CCDC3: variants seen among roughly 807,000 people sequenced by gnomAD.
CCDC3 encodes the protein coiled-coil domain-containing protein 3.
A neutral mutation model predicts 21.4 loss-of-function variants in CCDC3; 24 were observed. The observed-to-expected ratio is 1.12, with a 90% CI of 0.81 to 1.58. The LOEUF is 1.58. CCDC3 is among the 40% of genes most tolerant of loss of function. The pLI is 0.00. For missense variants in CCDC3, 425 were observed against 360.9 expected, an observed-to-expected ratio of 1.18 and a Z score of -1.44; for synonymous variants, 186 against 166.0, an observed-to-expected ratio of 1.12 and a Z score of -0.93.
At chr10:12,907,206 T>C (rs1834186374) in intron 2 of CCDC3, among the ~76,000 whole-genome samples, 1 of 152,136 alleles carries the variant, frequency 6.6e-6, no homozygotes, top group Non-Finnish European at 1.5e-5. Flanking sequence ...AAGCACTTAA[T>C]AAATGGATGA....
intron 4 of CCDC3, among the ~76,000 whole-genome samples, chr10:13,072,343 T>C (rs893506714): frequency 9.2e-5 from 14 of 151,766 alleles, no homozygotes; most frequent in African/African-American, 2.9e-4. Context: ...CAGTTAATTT[T>C]GGTCATCATC....
chr10:12,898,762 G>A (rs974768722), intron 2 of CCDC3, 83 bp from the exon 3 acceptor site: 8 of 1,501,752 alleles, frequency 5.3e-6, no homozygotes, highest in South Asian at 2.5e-5. Context: ...AAGCTTCCCC[G>A]AGTGCTGACA....
chr10:13,070,660 G>A (rs1174025520), intron 4 of CCDC3, among the ~76,000 whole-genome samples: 2 of 152,124 alleles, frequency 1.3e-5, no homozygotes. Context: ...CCATGACTAG[G>A]CTCAGCTTTA....
At chr10:12,932,558 G>A (rs1326829072) in intron 2 of CCDC3, among the ~76,000 whole-genome samples, 6 of 152,192 alleles carry the variant, frequency 3.9e-5, no homozygotes, top group Admixed American at 6.5e-5. Context: ...ATTAGTGCCA[G>A]GAGTCTTTTG....
Position 13,001,576 on chromosome 10 carries a change from G to A in CCDC3, c.-6C>T. ...AGCAGCAGCTGGCGCAGCATGCCGG[G>A]CCCTCCCGGGGCGCACGGGGCGGCG... On this transcript the variant is annotated 5_prime_UTR_variant, in exon 1 of 3. Transcript: ENST00000378825. The A allele has an allele frequency of 8.2e-7, 1 of 1,212,132 alleles. No individual in the cohort carries two copies. Among genetic ancestry groups the A allele is most frequent in the Non-Finnish European group, 1.0e-6 (1 of 975,570 alleles). 75.1% of individuals were successfully genotyped at this position (1,212,132 alleles called of 1,614,324 possible).
At chr10:12,996,249 A>G (rs1048754460) in intron 2 of CCDC3, among the ~76,000 whole-genome samples, 1 of 152,196 alleles carries the variant, frequency 6.6e-6, no homozygotes, top group South Asian at 2.1e-4. Context: ...CTACATGAGA[A>G]GCGTTCAGAA....
intron 2 of CCDC3, among the ~76,000 whole-genome samples, chr10:12,908,737 T>G (rs1219362413): frequency 6.6e-6 from 1 of 151,712 alleles, no homozygotes; most frequent in Non-Finnish European, 1.5e-5. Context: ...GAACTACAAG[T>G]GCATGCCACC....
chr10:13,008,753 TAA>T (rs1014882426), intron 5 of CCDC3, among the ~76,000 whole-genome samples: 3 of 152,244 alleles, frequency 2.0e-5, no homozygotes, highest in Non-Finnish European at 2.9e-5. Flanking sequence ...GAATTCTTGA[TAA>T]AACTCAGTAA....
Position 12,898,093 on chromosome 10 carries a change from A to T in CCDC3, c.*323T>A, listed in dbSNP as rs1834029243. 1 of 331,394 alleles carries T rather than the reference A, an allele frequency of 3.0e-6. No homozygotes were observed. Among genetic ancestry groups the T allele is most frequent in the Admixed American group, 4.4e-5 (1 of 22,716 alleles). 20.5% of individuals were successfully genotyped at this position (331,394 alleles called of 1,614,324 possible). Reference sequence around the variant, plus strand: ...CACGTTGATGTCTTTTACACTAGAGATTCTAAAATGTTCTCTCCCCAGTCA... The same window carrying T: ...CACGTTGATGTCTTTTACACTAGAGTTTCTAAAATGTTCTCTCCCCAGTCA... On this transcript the variant is annotated 3_prime_UTR_variant, in exon 3 of 3. Coordinates refer to ENST00000378825, the MANE Select transcript of CCDC3 (RefSeq NM_031455.4).
intron 4 of CCDC3, among the ~76,000 whole-genome samples, chr10:13,064,993 G>A (rs1309935683): frequency 6.6e-6 from 1 of 152,078 alleles, no homozygotes. Context: ...GTGGGAGGCA[G>A]GTTGTCCCTA....
intron 2 of CCDC3, among the ~76,000 whole-genome samples, chr10:12,912,150 C>G (rs1589001164): frequency 6.6e-6 from 1 of 152,116 alleles, no homozygotes; most frequent in Admixed American, 6.5e-5. Flanking sequence ...GATGTATACC[C>G]AGTAGTGGGA....
chr10:13,050,886 A>T (rs899164317), intron 4 of CCDC3, among the ~76,000 whole-genome samples: 1 of 152,080 alleles, frequency 6.6e-6, no homozygotes, highest in Admixed American at 6.6e-5. Context: ...TCCTGGGCTC[A>T]AGTGATCCTC....
chr10:12,976,861 A>G (rs564475), intron 2 of CCDC3, among the ~76,000 whole-genome samples: 7 of 151,974 alleles, frequency 4.6e-5, no homozygotes, highest in South Asian at 2.1e-4. Flanking sequence ...CTGGGTGTTT[A>G]ATGTGTCAGT....
chr10:12,916,814 C>A (rs1834365353), intron 2 of CCDC3, among the ~76,000 whole-genome samples: 1 of 152,150 alleles, frequency 6.6e-6, no homozygotes, highest in Non-Finnish European at 1.5e-5. Context: ...TGCTGGCTTG[C>A]TGAGTAAGGC....
At chr10:12,925,190 T>C (rs1834515965) in intron 2 of CCDC3, among the ~76,000 whole-genome samples, 1 of 152,024 alleles carries the variant, frequency 6.6e-6, no homozygotes, top group East Asian at 1.9e-4. Context: ...CTGGCATCCC[T>C]CAGGAAGTAG....
chr10:12,899,782 A>G (rs972711575), intron 2 of CCDC3, among the ~76,000 whole-genome samples: 1 of 152,268 alleles, frequency 6.6e-6, no homozygotes, highest in Admixed American at 6.5e-5. Context: ...AGCATATGCA[A>G]GAAACGGGTA....
intron 5 of CCDC3, among the ~76,000 whole-genome samples, chr10:13,036,203 G>A (rs1169260217): frequency 6.6e-6 from 1 of 152,116 alleles, no homozygotes; most frequent in African/African-American, 2.4e-5. Context: ...AAGTAATACA[G>A]AAAAGGAGAA....
chr10:13,086,858 G>T (rs1194238229), intron 3 of CCDC3, among the ~76,000 whole-genome samples: 1 of 152,192 alleles, frequency 6.6e-6, no homozygotes, highest in Non-Finnish European at 1.5e-5. Context: ...CCACCCAGAG[G>T]TGAGTAAAAT....
In CCDC3 at chr10:13,089,784, G is replaced by A. The variant is rs183065772; in HGVS notation, c.-503+8741C>T. 4.9e-4 allele frequency among the ~76,000 whole-genome samples: 74 copies of A among 151,628 alleles called. 3 individuals are homozygous for A. In the East Asian group the frequency reaches 0.013, roughly 26 times the overall value. On this transcript the variant is annotated intron_variant, in intron 3 of 6. Coordinates refer to the CCDC3 transcript ENST00000378839. ...TGAGATTTTGGTGCTCCCATCACCC[G>A]AGCAGTGGACACTGCACCCAATTTG...
Sources: gnomAD v4.1 joint callset for allele counts (sites outside exome capture counted in the v4.1 genomes callset) on GRCh38, gnomAD v4.1.1 for gene constraint, MANE v1.5 for transcripts, NCBI Gene and HGNC (gene_info 2026-07-23, HGNC 2026-07-21) for gene names.